Variants in LGR5 observed in about 807,000 individuals in gnomAD.
LGR5 encodes leucine-rich repeat-containing G protein-coupled receptor 5.
Under a neutral mutation model 76.7 loss-of-function variants are expected in LGR5, and 54 were observed. The ratio of observed to expected loss-of-function variants is 0.70; its 90% CI spans 0.57 to 0.88. LGR5 has a LOEUF of 0.88. LGR5 is among the 40% of genes least tolerant of loss of function. The pLI, the probability that LGR5 is intolerant of heterozygous loss-of-function variation, is 0.00. For synonymous variants in LGR5, 406 were observed against 421.9 expected (o/e 0.96, Z 0.46); for missense variants, 1,078 against 1,073.3 (o/e 1.00, Z -0.06).
intron 2 of LGR5, among the ~76,000 whole-genome samples, chr12:71,524,142 T>TTA (rs1320346685): frequency 1.3e-5 from 2 of 152,244 alleles, no homozygotes; most frequent in African/African-American, 2.4e-5. Context: ...AAGGACAGTT[T>TTA]TATATATATG....
At chr12:71,506,883 T>C (rs1277407053) in intron 2 of LGR5, among the ~76,000 whole-genome samples, 3 of 152,196 alleles carry the variant, frequency 2.0e-5, no homozygotes, top group African/African-American at 2.4e-5. Context: ...AATTTAGGGG[T>C]TTGGGGAGGT....
intron 3 of LGR5, among the ~76,000 whole-genome samples, chr12:71,530,842 T>G (rs191210364): frequency 1.0e-3 from 154 of 152,156 alleles, no homozygotes; most frequent in Non-Finnish European, 3.2e-4. Flanking sequence ...AGACCCAGAA[T>G]AGAGCCTTGA....
intron 1 of LGR5, among the ~76,000 whole-genome samples, chr12:71,444,035 A>G (rs1385182930): frequency 6.6e-6 from 1 of 152,138 alleles, no homozygotes; most frequent in Non-Finnish European, 1.5e-5. Context: ...AGCCACAATT[A>G]GTTAAATCAG....
At chr12:71,526,706 T>C (rs1016324430) in intron 3 of LGR5, among the ~76,000 whole-genome samples, 2 of 152,152 alleles carry the variant, frequency 1.3e-5, no homozygotes, top group African/African-American at 4.8e-5. Flanking sequence ...AAAGTGTATC[T>C]AGATATCTGT....
At chr12:71,583,621 A>T in intron 17 of LGR5, 26 bp from the exon 18 acceptor site, 1 of 1,576,732 alleles carries the variant, frequency 6.3e-7, no homozygotes, top group Non-Finnish European at 8.6e-7. Context: ...TTTGATACTC[A>T]ATCTTTGCCT....
intron 1 of LGR5, 75 bp from the exon 2 acceptor site, chr12:71,504,539 T>C (rs1874761642): frequency 1.0e-5 from 11 of 1,099,884 alleles, no homozygotes; most frequent in South Asian, 8.7e-5. Context: ...TGTTTGGAAA[T>C]GTGTGAATTG....
At chr12:71,439,261 A>G (rs1289593700), upstream of LGR5, among the ~76,000 whole-genome samples, 1 of 152,202 alleles carries the variant, frequency 6.6e-6, no homozygotes, top group Non-Finnish European at 1.5e-5. Context: ...CGGCAGACGT[A>G]AGGATCAAAA....
In LGR5 at chr12:71,489,094, G is replaced by A. The variant is rs554587526; in HGVS notation, c.213-15520G>A. Among the ~76,000 whole-genome samples, 9 of 152,260 alleles carry A rather than the reference G, an allele frequency of 5.9e-5. No individual in the cohort carries two copies. The South Asian group carries it at 1.5e-3, about 25-fold the overall frequency. On this transcript the variant is annotated intron_variant, in intron 1 of 17. Coordinates refer to ENST00000266674, the MANE Select transcript of LGR5 (RefSeq NM_003667.4). ...ATATATTGTTATCCCACTAAGGGTGGCAATCAAATGAAATCCATTTGTAGA... is the reference window on the plus strand; with the variant it reads ...ATATATTGTTATCCCACTAAGGGTGACAATCAAATGAAATCCATTTGTAGA...
At chr12:71,572,266 T>G (rs975847606) in intron 12 of LGR5, among the ~76,000 whole-genome samples, 1 of 152,084 alleles carries the variant, frequency 6.6e-6, no homozygotes, top group Non-Finnish European at 1.5e-5. Context: ...GCATTTTTAC[T>G]AGAGACGAGG....
In LGR5 at chr12:71,579,601, A is replaced by G. The variant is rs115239720; in HGVS notation, c.1406+672A>G. Among the ~76,000 whole-genome samples the G allele has an allele frequency of 6.8e-3, 1,030 of 152,332 alleles. 13 individuals carry two copies. The highest frequency in any genetic ancestry group is 0.023 in the African/African-American group (943 of 41,560). On this transcript the variant is annotated intron_variant, in intron 15 of 17. Coordinates refer to ENST00000266674, the MANE Select transcript of LGR5 (RefSeq NM_003667.4). The stretch of plus-strand genomic sequence containing the variant: ...ATATGTAATAAGCACATCATGGAAA[A>G]TGGGGTATTCATCCCCTCAAGCATT...
intron 1 of LGR5, among the ~76,000 whole-genome samples, chr12:71,482,086 T>C (rs1429600227): frequency 6.6e-6 from 1 of 152,204 alleles, no homozygotes; most frequent in Non-Finnish European, 1.5e-5. Context: ...ATTCCCTCTT[T>C]TGAAGGGAAA....
intron 2 of LGR5, among the ~76,000 whole-genome samples, chr12:71,518,939 G>A (rs1482508276): frequency 1.3e-5 from 2 of 152,124 alleles, no homozygotes; most frequent in African/African-American, 4.8e-5. Flanking sequence ...CATTACACAA[G>A]TTTACCTATA....
intron 1 of LGR5, among the ~76,000 whole-genome samples, chr12:71,466,862 G>A (rs17227051): frequency 0.045 from 6,868 of 152,186 alleles, 199 homozygotes; most frequent in Non-Finnish European, 0.067. Flanking sequence ...TTGGTAACAC[G>A]TCCTCCTTGG....
chr12:71,542,295 T>C (rs1876918335), intron 4 of LGR5, among the ~76,000 whole-genome samples: 1 of 152,128 alleles, frequency 6.6e-6, no homozygotes, highest in Non-Finnish European at 1.5e-5. Context: ...CTTATATTGG[T>C]GGGGGAAGCC....
chr12:71,528,027 A>G (rs1349381329), intron 3 of LGR5, among the ~76,000 whole-genome samples: 1 of 152,234 alleles, frequency 6.6e-6, no homozygotes, highest in African/African-American at 2.4e-5. Context: ...GATGTTCTGC[A>G]TATGCTTAAT....
At chr12:71,574,959 G>A (rs1878783874) in intron 13 of LGR5, among the ~76,000 whole-genome samples, 1 of 152,140 alleles carries the variant, frequency 6.6e-6, no homozygotes, top group African/African-American at 2.4e-5. Flanking sequence ...TAAAATTTCA[G>A]TAAAACTTCT....
intron 8 of LGR5, 113 bp from the exon 9 acceptor site, chr12:71,566,291 C>T: frequency 1.4e-6 from 1 of 700,108 alleles, no homozygotes; most frequent in East Asian, 2.7e-5. Context: ...TTATGTAATA[C>T]AGTATAATTA....
chr12:71,510,576 G>A (rs1875101884), intron 2 of LGR5, among the ~76,000 whole-genome samples: 3 of 151,324 alleles, frequency 2.0e-5, no homozygotes, highest in Non-Finnish European at 4.4e-5. Flanking sequence ...GAGCAAATAC[G>A]ACTTGCTGTG....
chr12:71,497,761 A>G (rs149926804), intron 1 of LGR5, among the ~76,000 whole-genome samples: 3 of 152,350 alleles, frequency 2.0e-5, no homozygotes, highest in Non-Finnish European at 4.4e-5. Flanking sequence ...CTTAGAAGAA[A>G]TAGGAATTGC....
Sources: gnomAD v4.1 joint callset for allele counts (sites outside exome capture counted in the v4.1 genomes callset) on GRCh38, gnomAD v4.1.1 for gene constraint, MANE v1.5 for transcripts, NCBI Gene and HGNC (gene_info 2026-07-23, HGNC 2026-07-21) for gene names.